Variants in THAP12 observed in about 807,000 individuals in gnomAD.
THAP12 encodes THAP domain containing 12, also known as 52 kDa repressor of the inhibitor of the protein kinase.
In THAP12, 20 loss-of-function variants were observed where a neutral mutation model predicts 63.0. The observed-to-expected ratio is 0.32, with a 90% CI of 0.22 to 0.46. The LOEUF is 0.46. Among genes scored for constraint, THAP12 ranks in the 20% least tolerant of loss-of-function variants. The pLI, the probability that THAP12 is intolerant of heterozygous loss-of-function variation, is 1.00. For missense variants in THAP12, 568 were observed against 908.2 expected (o/e 0.63, Z 4.81); for synonymous variants, 264 against 328.4 (o/e 0.80, Z 2.12).
rs566220425 is a variant in THAP12 at position 76,361,278 on chromosome 11, T to C, written c.211-215A>G. Reference sequence around the variant, plus strand: ...ATCTATTATAAATTAAGAAACTGAATTGAAGGTAGGCATAAAATATAAAAT... The same window carrying C: ...ATCTATTATAAATTAAGAAACTGAACTGAAGGTAGGCATAAAATATAAAAT... On this transcript the variant is annotated intron_variant, in intron 2 of 4. Coordinates refer to ENST00000260045, the MANE Select transcript of THAP12 (RefSeq NM_004705.4). 1.1e-5 allele frequency: 5 copies of C among 451,668 alleles called. No individual in the cohort carries two copies. In the South Asian group the frequency reaches 1.1e-4, roughly 10 times the overall value. 28.0% of individuals were successfully genotyped at this position (451,668 alleles called of 1,614,324 possible).
Position 76,380,741 on chromosome 11 carries a change from C to T in THAP12, c.89+7G>A, listed in dbSNP as rs1013772581. On this transcript the variant is annotated splice_region_variant and intron_variant, in intron 1 of 4. Transcript: ENST00000260045. ...CCCGGGCCGCCCGCTCTGCGCCCGC[C>T]GCTTACCTGGCAGGGTCCCGCGGGA... The T allele has an allele frequency of 2.1e-6, 3 of 1,436,896 alleles. No homozygotes were observed. The highest frequency in any genetic ancestry group is 2.8e-6 in the Non-Finnish European group (3 of 1,086,602). 89.0% of individuals were successfully genotyped at this position (1,436,896 alleles called of 1,614,324 possible).
At chr11:76,379,520 G>A (rs1946735189) in intron 1 of THAP12, among the ~76,000 whole-genome samples, 1 of 152,114 alleles carries the variant, frequency 6.6e-6, no homozygotes, top group Non-Finnish European at 1.5e-5. Context: ...TGGACTCCTG[G>A]TTGCCCTGTC....
intron 4 of THAP12, among the ~76,000 whole-genome samples, chr11:76,354,292 G>A (rs1480993935): frequency 6.6e-6 from 1 of 152,160 alleles, no homozygotes; most frequent in East Asian, 1.9e-4. Context: ...AGATGACACT[G>A]CTATTCATTA....
In THAP12 at chr11:76,361,056, T is replaced by C; in HGVS notation, c.218A>G (p.Tyr73Cys). 1 of 1,603,096 alleles carries C rather than the reference T, an allele frequency of 6.2e-7. No individual in the cohort carries two copies. Among genetic ancestry groups the C allele is most frequent in the Non-Finnish European group, 8.5e-7 (1 of 1,171,866 alleles). ...ETSMICRTSP[Y>C]RTVLRDNAIP... The stretch of plus-strand genomic sequence containing the variant: ...TGCATTATCTCGAAGAACTGTCCTA[T>C]AAGGACTCTGAAAAAGAAAATTGTG... The change falls in exon 3 of 5, where the codon TAT becomes TGT. Residue 73 changes from tyrosine (Y) to cysteine (C), a missense_variant. Physicochemically the swap from Tyr to Cys is radical, Grantham distance 194. Transcript: ENST00000260045.
At chr11:76,353,285 C>T (rs970969326) in intron 4 of THAP12, among the ~76,000 whole-genome samples, 10 of 152,230 alleles carry the variant, frequency 6.6e-5, no homozygotes, top group African/African-American at 2.4e-4. Context: ...TACTAAGGTA[C>T]TGTGCTTAGT....
intron 1 of THAP12, among the ~76,000 whole-genome samples, chr11:76,369,691 C>T (rs181246053): frequency 6.6e-6 from 1 of 152,388 alleles, no homozygotes; most frequent in Middle Eastern, 3.4e-3. Context: ...ATATGCCAGG[C>T]AGAGGCTGCC....
chr11:76,377,693 G>T (rs1565237078), intron 1 of THAP12, among the ~76,000 whole-genome samples: 2 of 152,300 alleles, frequency 1.3e-5, no homozygotes, highest in East Asian at 1.9e-4. Flanking sequence ...GAATAGTGCT[G>T]CTATGAATGT....
At position 76,350,848 on chromosome 11, in the gene THAP12, T is replaced by G; in HGVS notation, c.*16A>C. On this transcript the variant is annotated 3_prime_UTR_variant, in exon 5 of 5. Coordinates refer to ENST00000260045, the MANE Select transcript of THAP12 (RefSeq NM_004705.4). ...TCCAAATATCAAATATAAGAAAGCC[T>G]ATTTTTAAAAGTCTCTTAGGTATTT... 1 of 1,512,710 alleles carries G rather than the reference T, an allele frequency of 6.6e-7. No homozygotes were observed. Among genetic ancestry groups the G allele is most frequent in the Non-Finnish European group, 8.8e-7 (1 of 1,134,548 alleles). The allele number at this position is 1,512,710 out of a possible 1,614,324, so 93.7% of individuals were successfully genotyped here. A position where few individuals can be genotyped will look rare whatever the true frequency, so the allele number is the denominator to read the frequency against.
At chr11:76,359,393 T>G (rs1946582852) in intron 3 of THAP12, 1 of 152,182 alleles carries the variant, frequency 6.6e-6, no homozygotes, top group Non-Finnish European at 1.5e-5. Flanking sequence ...ACTGTAACAG[T>G]AAACTAGTAA....
intron 2 of THAP12, among the ~76,000 whole-genome samples, chr11:76,365,186 G>A (rs1299808335): frequency 6.6e-6 from 1 of 151,882 alleles, no homozygotes; most frequent in Non-Finnish European, 1.5e-5. Context: ...GGAGGCTGAG[G>A]AGAGAGAATC....
intron 3 of THAP12, among the ~76,000 whole-genome samples, chr11:76,360,496 T>C (rs1946591073): frequency 1.3e-5 from 2 of 152,238 alleles, no homozygotes; most frequent in South Asian, 2.1e-4. Flanking sequence ...TTATGCCATA[T>C]ACAGAAATTT....
chr11:76,369,543 T>C (rs550076886), intron 1 of THAP12, among the ~76,000 whole-genome samples: 9 of 152,284 alleles, frequency 5.9e-5, no homozygotes, highest in Non-Finnish European at 1.3e-4. Flanking sequence ...ATCCGGGAAC[T>C]TGGTTGGTAA....
chr11:76,373,283 T>G (rs1590806712), intron 1 of THAP12, among the ~76,000 whole-genome samples: 3 of 150,328 alleles, frequency 2.0e-5, no homozygotes, highest in African/African-American at 4.9e-5. Flanking sequence ...GAGGCAGAGG[T>G]TGCAATGACT....
At chr11:76,360,073 C>T (rs1466247676) in intron 3 of THAP12, among the ~76,000 whole-genome samples, 1 of 152,026 alleles carries the variant, frequency 6.6e-6, no homozygotes, top group Admixed American at 6.6e-5. Flanking sequence ...AACTAACAGA[C>T]CATGTTGGGA....
chr11:76,380,914 G>A lies in THAP12; in HGVS notation c.-78C>T, dbSNP rs1946754033. 6 of 955,022 alleles carry A rather than the reference G, an allele frequency of 6.3e-6. No homozygotes were observed. The East Asian group carries it at 2.6e-4, about 41-fold the overall frequency. The allele number at this position is 955,022 out of a possible 1,614,324, so 59.2% of individuals were successfully genotyped here. ...AGTCCGCCCGCCCGTCGGGGCCGGG[G>A]AGGGGAGCCAGGCCGGCCGGCCGGC... On this transcript the variant is annotated 5_prime_UTR_variant, in exon 1 of 5. Coordinates refer to ENST00000260045, the MANE Select transcript of THAP12 (RefSeq NM_004705.4).
intron 3 of THAP12, chr11:76,356,865 A>C (rs1247080913): frequency 6.6e-6 from 1 of 152,152 alleles, no homozygotes; most frequent in Non-Finnish European, 1.5e-5. Flanking sequence ...CAACATGGAG[A>C]ACCCTCGTCT....
intron 1 of THAP12, among the ~76,000 whole-genome samples, chr11:76,375,390 C>CTTTT (rs533659659): frequency 7.5e-6 from 1 of 132,942 alleles, no homozygotes; most frequent in Non-Finnish European, 1.6e-5. Context: ...AAGACTTAGG[C>CTTTT]TTTTTTTTTT....
chr11:76,375,745 G>GGT lies in THAP12; in HGVS notation c.89+5001_89+5002dup, dbSNP rs1347199120. Among the ~76,000 whole-genome samples, 10 of 31,334 alleles carry GGT rather than the reference G, an allele frequency of 3.2e-4. No individual in the cohort carries two copies. In the East Asian group the frequency reaches 9.0e-3, roughly 28 times the overall value. 20.6% of individuals were successfully genotyped at this position (31,334 alleles called of 152,430 possible). On this transcript the variant is annotated intron_variant, in intron 1 of 4. Coordinates refer to ENST00000260045, the MANE Select transcript of THAP12 (RefSeq NM_004705.4). Reference sequence around the variant, plus strand: ...CCTACAACCTGTTTATAGAAGAAAAGGTGGGGGGGGGGTGGGTTAGAACTA... The same window carrying GGT: ...CCTACAACCTGTTTATAGAAGAAAAGGTGTGGGGGGGGGGTGGGTTAGAACTA...
At chr11:76,378,004 TACC>T (rs1946723498) in intron 1 of THAP12, among the ~76,000 whole-genome samples, 18 of 152,398 alleles carry the variant, frequency 1.2e-4, no homozygotes, top group Middle Eastern at 3.4e-3. Context: ...TATTTGCAAG[TACC>T]TTCTTCCATT....
Sources: allele counts gnomAD v4.1 joint callset (sites outside exome capture counted in the v4.1 genomes callset), GRCh38; gene constraint gnomAD v4.1.1; transcripts MANE v1.5; gene names NCBI Gene and HGNC (gene_info 2026-07-23, HGNC 2026-07-21).